GRIN2A: variants seen among roughly 807,000 people sequenced by gnomAD.
The protein encoded by GRIN2A is glutamate ionotropic receptor NMDA type subunit 2A, also known as glutamate receptor ionotropic, NMDA 2A.
A neutral mutation model predicts 113.4 loss-of-function variants in GRIN2A; 22 were observed. That is an observed-to-expected ratio of 0.19 (90% confidence interval 0.14 to 0.28). The LOEUF (loss-of-function observed/expected upper bound fraction) is 0.28. Among genes scored for constraint, GRIN2A ranks in the 10% least tolerant of loss-of-function variants. The pLI, the probability that GRIN2A is intolerant of heterozygous loss-of-function variation, is 1.00. For missense variants in GRIN2A, 1,502 were observed against 1,887.0 expected (o/e 0.80, Z 3.78); for synonymous variants, 827 against 738.4 (o/e 1.12, Z -1.94).
intron 2 of GRIN2A, among the ~76,000 whole-genome samples, chr16:10,011,824 AACCCCTGAGC>A (rs1596414441): frequency 6.6e-6 from 1 of 152,326 alleles, no homozygotes; most frequent in East Asian, 1.9e-4. Context: ...TGCCTGTCCA[AACCCCTGAGC>A]ACCTAGTGTC....
At chr16:9,802,329 C>T (rs1903412787) in intron 10 of GRIN2A, among the ~76,000 whole-genome samples, 1 of 152,084 alleles carries the variant, frequency 6.6e-6, no homozygotes, top group Admixed American at 6.6e-5. Flanking sequence ...AAATATGGTA[C>T]ATATACACCA....
intron 1 of GRIN2A, among the ~76,000 whole-genome samples, chr16:10,181,249 G>A (rs905930217): frequency 1.3e-5 from 2 of 150,790 alleles, no homozygotes; most frequent in African/African-American, 4.9e-5. Flanking sequence ...CCTCTCTCAC[G>A]CGCGCCGTGT....
intron 2 of GRIN2A, among the ~76,000 whole-genome samples, chr16:10,083,127 C>T (rs1397847091): frequency 6.6e-6 from 1 of 152,082 alleles, no homozygotes; most frequent in Non-Finnish European, 1.5e-5. Context: ...AAGTCTCAAA[C>T]CTCAAACCTC....
At chr16:10,141,573 A>G (rs1349526798) in intron 2 of GRIN2A, among the ~76,000 whole-genome samples, 2 of 152,322 alleles carry the variant, frequency 1.3e-5, no homozygotes, top group East Asian at 3.9e-4. Flanking sequence ...TCCAAATGAC[A>G]CCTGGATCTA....
chr16:10,105,554 C>T (rs769617139), intron 2 of GRIN2A, among the ~76,000 whole-genome samples: 8 of 151,824 alleles, frequency 5.3e-5, no homozygotes, highest in East Asian at 1.9e-4. Context: ...CATATGACAG[C>T]GATTTGGAAG....
chr16:9,885,492 T>C (rs1323336434), intron 4 of GRIN2A, among the ~76,000 whole-genome samples: 1 of 152,176 alleles, frequency 6.6e-6, no homozygotes, highest in Admixed American at 6.5e-5. Context: ...AGGCCTGGTG[T>C]TTGGCGTCTG....
At position 9,852,002 on chromosome 16, in the gene GRIN2A, C is replaced by T. The variant is rs72781985; in HGVS notation, c.1123-2041G>A. Among the ~76,000 whole-genome samples the T allele has an allele frequency of 4.6e-3, 706 of 152,294 alleles. 1 individual carries two copies. Among genetic ancestry groups the T allele is most frequent in the Non-Finnish European group, 7.6e-3 (518 of 68,024 alleles). ...CTTTCCCTAGTAATATAGAACTTTG[C>T]GCATATCTCCACCGTAGCATTTTAT... On this transcript the variant is annotated intron_variant, in intron 4 of 12. Transcript: ENST00000330684.
In GRIN2A at chr16:10,125,126, G is replaced by C. The variant is rs1338292488; in HGVS notation, c.414+54872C>G. ...CAAAGGCTACAAGATGCCATGAAAGGGTTTTAAATCTGTCTTACAAAACCA... is the reference window on the plus strand; with the variant it reads ...CAAAGGCTACAAGATGCCATGAAAGCGTTTTAAATCTGTCTTACAAAACCA... On this transcript the variant is annotated intron_variant, in intron 2 of 12. Coordinates refer to ENST00000330684, the MANE Select transcript of GRIN2A (RefSeq NM_001134407.3). Among the ~76,000 whole-genome samples, 3 of 152,252 alleles carry C rather than the reference G, an allele frequency of 2.0e-5. No individual in the cohort carries two copies. In the South Asian group the frequency reaches 6.2e-4, roughly 32 times the overall value.
intron 2 of GRIN2A, among the ~76,000 whole-genome samples, chr16:10,156,442 C>G (rs1487677031): frequency 6.6e-6 from 1 of 152,342 alleles, no homozygotes; most frequent in East Asian, 1.9e-4. Context: ...GTGGCTATAG[C>G]TTTCTCCACT....
intron 3 of GRIN2A, among the ~76,000 whole-genome samples, chr16:9,933,728 A>G (rs577941036): frequency 2.2e-4 from 34 of 152,356 alleles, no homozygotes; most frequent in Middle Eastern, 6.8e-3. Flanking sequence ...ACTGAAAAAT[A>G]TCTTACTATA....
At chr16:9,820,723 G>A (rs776765733) in intron 10 of GRIN2A, among the ~76,000 whole-genome samples, 10 of 152,192 alleles carry the variant, frequency 6.6e-5, no homozygotes, top group Non-Finnish European at 8.8e-5. Flanking sequence ...CAGGTGGCGG[G>A]TGGAAGATAT....
intron 3 of GRIN2A, among the ~76,000 whole-genome samples, chr16:9,899,613 A>G (rs1266613046): frequency 6.6e-6 from 1 of 152,138 alleles, no homozygotes; most frequent in Non-Finnish European, 1.5e-5. Flanking sequence ...ATTGTGGTCA[A>G]TTAAAAAAAT....
At chr16:9,792,487 T>A (rs1335044722) in intron 11 of GRIN2A, among the ~76,000 whole-genome samples, 1 of 152,100 alleles carries the variant, frequency 6.6e-6, no homozygotes, top group Non-Finnish European at 1.5e-5. Flanking sequence ...GGCTCCTGAG[T>A]AGTTAAGATT....
rs151171749 is a variant in GRIN2A, at chr16:9,827,822, A to G, written c.2007+1601T>C. Among the ~76,000 whole-genome samples the G allele has an allele frequency of 1.3e-4, 20 of 152,198 alleles. No individual in the cohort carries two copies. In the East Asian group the frequency reaches 3.9e-3, roughly 29 times the overall value. On this transcript the variant is annotated intron_variant, in intron 9 of 12. Transcript: ENST00000330684. ...TTCACCCAGCAAGAGTGTCCTGAGC[A>G]CCTCCAAAGTGCAAAATAACTCTAT...
At chr16:10,145,260 G>A (rs2049415934) in intron 2 of GRIN2A, among the ~76,000 whole-genome samples, 1 of 152,134 alleles carries the variant, frequency 6.6e-6, no homozygotes, top group South Asian at 2.1e-4. Context: ...GGACAACATA[G>A]TGTCTATAGT....
chr16:9,831,453 C>A (rs998818686), intron 8 of GRIN2A, among the ~76,000 whole-genome samples: 2 of 151,884 alleles, frequency 1.3e-5, no homozygotes, highest in African/African-American at 4.8e-5. Flanking sequence ...GCCCCAGTGA[C>A]CTTTTTGCTC....
At chr16:9,878,730 A>G (rs1002406681) in intron 4 of GRIN2A, among the ~76,000 whole-genome samples, 1 of 151,986 alleles carries the variant, frequency 6.6e-6, no homozygotes, top group African/African-American at 2.4e-5. Flanking sequence ...AATCTGAAAA[A>G]CTTTCAGCAG....
intron 4 of GRIN2A, among the ~76,000 whole-genome samples, chr16:9,854,386 A>T (rs2042934195): frequency 6.6e-6 from 1 of 152,164 alleles, no homozygotes; most frequent in Admixed American, 6.5e-5. Flanking sequence ...ACACCATTTT[A>T]AAAAGGGACT....
chr16:9,988,703 G>A lies in GRIN2A; in HGVS notation c.415-50152C>T, dbSNP rs562149115. On this transcript the variant is annotated intron_variant, in intron 2 of 12. Coordinates refer to ENST00000330684, the MANE Select transcript of GRIN2A (RefSeq NM_001134407.3). Reference sequence around the variant, plus strand: ...AAGCCATTATTATCTCCATTATGAGGAACAGGGAATTTAAATAACTTCCCC... The same window carrying A: ...AAGCCATTATTATCTCCATTATGAGAAACAGGGAATTTAAATAACTTCCCC... Among the ~76,000 whole-genome samples the A allele has an allele frequency of 3.6e-4, 55 of 152,208 alleles. 1 individual carries two copies. Among genetic ancestry groups the A allele is most frequent in the Admixed American group, 3.4e-3 (52 of 15,272 alleles).
Sources: allele counts gnomAD v4.1 joint callset (sites outside exome capture counted in the v4.1 genomes callset), GRCh38; gene constraint gnomAD v4.1.1; transcripts MANE v1.5; gene names NCBI Gene and HGNC (gene_info 2026-07-23, HGNC 2026-07-21).